Variants in WDR72 observed in about 807,000 individuals in gnomAD.
WDR72 encodes the protein WD repeat domain 72.
Under a neutral mutation model 124.2 loss-of-function variants are expected in WDR72, and 120 were observed. The ratio of observed to expected loss-of-function variants is 0.97; its 90% confidence interval spans 0.83 to 1.12. WDR72 has a LOEUF of 1.12. Ranked by LOEUF, WDR72 falls within the 50% of genes most tolerant of loss-of-function variation. The pLI, the probability that WDR72 is intolerant of heterozygous loss-of-function variation, is 0.00. For synonymous variants in WDR72, 452 were observed against 441.7 expected (o/e 1.02, Z -0.29); for missense variants, 1,387 against 1,278.8 (o/e 1.08, Z -1.29).
chr15:53,739,879 C>A (rs1595884110), intron 1 of WDR72, among the ~76,000 whole-genome samples: 1 of 152,284 alleles, frequency 6.6e-6, no homozygotes, highest in East Asian at 1.9e-4. Context: ...CACTTTGGCT[C>A]TTGTCCAAGG....
chr15:53,543,769 AGAG>A (rs1343170595), intron 18 of WDR72, among the ~76,000 whole-genome samples: 1 of 152,192 alleles, frequency 6.6e-6, no homozygotes, highest in Non-Finnish European at 1.5e-5. Context: ...AGAAAAAAAG[AGAG>A]AAGAATCTAA....
chr15:53,714,622 T>A (rs2017652563), intron 5 of WDR72, 112 bp from the exon 6 acceptor site: 1 of 811,784 alleles, frequency 1.2e-6, no homozygotes, highest in African/African-American at 1.7e-5. Flanking sequence ...TAGAAAATTT[T>A]CAGCTTTGGA....
At chr15:53,753,862 G>C (rs2018833398) in intron 1 of WDR72, among the ~76,000 whole-genome samples, 1 of 152,096 alleles carries the variant, frequency 6.6e-6, no homozygotes, top group Admixed American at 6.5e-5. Context: ...TACCATTACT[G>C]TTATTAGGAA....
intron 9 of WDR72, among the ~76,000 whole-genome samples, chr15:53,708,832 T>C (rs552897382): frequency 6.6e-6 from 1 of 152,248 alleles, no homozygotes; most frequent in Admixed American, 6.5e-5. Flanking sequence ...ACCAGTTCCT[T>C]GTCTCAATAG....
At chr15:53,580,158 G>T (rs1245458246) in intron 18 of WDR72, among the ~76,000 whole-genome samples, 1 of 152,020 alleles carries the variant, frequency 6.6e-6, no homozygotes, top group East Asian at 1.9e-4. Flanking sequence ...AATTAATAGA[G>T]ATAATAAATA....
intron 18 of WDR72, among the ~76,000 whole-genome samples, chr15:53,594,984 G>T (rs1162930315): frequency 1.3e-5 from 2 of 151,992 alleles, no homozygotes; most frequent in Non-Finnish European, 2.9e-5. Context: ...TATTTTATGT[G>T]TCTCCCATTT....
Position 53,730,433 on chromosome 15 carries a change from T to C in WDR72, c.153+2564A>G, listed in dbSNP as rs1044888168. 8.5e-5 allele frequency among the ~76,000 whole-genome samples: 13 copies of C among 152,326 alleles called. No homozygotes were observed. The East Asian group carries it at 1.9e-3, about 23-fold the overall frequency. The stretch of plus-strand genomic sequence containing the variant: ...ATTTGTGCCTAGAACAAAAAGTACC[T>C]GTGTAGTTTGCCTAATGAAAGCGTA... On this transcript the variant is annotated intron_variant, in intron 2 of 19. Coordinates refer to ENST00000360509, the MANE Select transcript of WDR72 (RefSeq NM_182758.4).
intron 18 of WDR72, among the ~76,000 whole-genome samples, chr15:53,586,496 C>A (rs947136222): frequency 1.3e-4 from 20 of 152,054 alleles, no homozygotes; most frequent in Non-Finnish European, 2.4e-4. Context: ...TTTCAATTTA[C>A]AGATTGGGTA....
chr15:53,530,195 A>AGT (rs1892372555), intron 18 of WDR72, among the ~76,000 whole-genome samples: 2 of 151,338 alleles, frequency 1.3e-5, no homozygotes, highest in African/African-American at 4.8e-5. Context: ...CAAAATAAGA[A>AGT]ACATTACTTC....
chr15:53,671,349 A>G (rs2015980972), intron 13 of WDR72, among the ~76,000 whole-genome samples: 1 of 152,180 alleles, frequency 6.6e-6, no homozygotes, highest in South Asian at 2.1e-4. Context: ...AAGCCTTCTA[A>G]AATAGATTCC....
At position 53,706,092 on chromosome 15, in the gene WDR72, T is replaced by C; in HGVS notation, c.955-18A>G. On this transcript the variant is annotated intron_variant, in intron 9 of 19. Transcript: ENST00000360509. Reference sequence around the variant, plus strand: ...CTCTGTTCCTAAACAAAAAGTGAGCTTTTATGTAGGAAATATTCTAACTAG... The same window carrying C: ...CTCTGTTCCTAAACAAAAAGTGAGCCTTTATGTAGGAAATATTCTAACTAG... 1 of 1,613,512 alleles carries C rather than the reference T, an allele frequency of 6.2e-7. No homozygotes were observed. Among genetic ancestry groups the C allele is most frequent in the Admixed American group, 1.7e-5 (1 of 60,002 alleles).
At chr15:53,627,431 T>C (rs75042610) in intron 14 of WDR72, among the ~76,000 whole-genome samples, 2,040 of 152,284 alleles carry the variant, frequency 0.013, 38 homozygotes, top group East Asian at 0.077. Flanking sequence ...TATCTGATGA[T>C]GCAATTCAAT....
At chr15:53,579,449 T>A (rs533503622) in intron 18 of WDR72, among the ~76,000 whole-genome samples, 26 of 152,226 alleles carry the variant, frequency 1.7e-4, no homozygotes, top group African/African-American at 6.3e-4. Flanking sequence ...TGCAAACTGC[T>A]TTCCCTATCT....
intron 14 of WDR72, among the ~76,000 whole-genome samples, chr15:53,637,736 G>A (rs1044509904): frequency 1.3e-5 from 2 of 151,940 alleles, no homozygotes; most frequent in African/African-American, 2.4e-5. Context: ...CTCCTTTAAT[G>A]CTTCATTCTT....
chr15:53,633,392 C>A (rs1391076558), intron 14 of WDR72, among the ~76,000 whole-genome samples: 2 of 152,190 alleles, frequency 1.3e-5, no homozygotes, highest in African/African-American at 4.8e-5. Context: ...ACTATGCTTC[C>A]TGTACAGCCT....
At chr15:53,666,224 C>T (rs1049837575) in intron 13 of WDR72, among the ~76,000 whole-genome samples, 6 of 152,112 alleles carry the variant, frequency 3.9e-5, no homozygotes, top group African/African-American at 7.2e-5. Flanking sequence ...AGTAAGAACA[C>T]GGATGCTTTG....
intron 14 of WDR72, among the ~76,000 whole-genome samples, chr15:53,639,805 T>C (rs1467401360): frequency 6.6e-6 from 1 of 152,000 alleles, no homozygotes; most frequent in Non-Finnish European, 1.5e-5. Context: ...AGAGACCACC[T>C]TCCCTAAACC....
intron 18 of WDR72, among the ~76,000 whole-genome samples, chr15:53,532,576 T>C (rs931356415): frequency 4.0e-5 from 6 of 151,392 alleles, no homozygotes; most frequent in Non-Finnish European, 7.4e-5. Context: ...CACTAATATA[T>C]GACAGCTAAG....
intron 18 of WDR72, among the ~76,000 whole-genome samples, chr15:53,557,206 AG>A (rs1276690874): frequency 1.3e-5 from 2 of 152,124 alleles, no homozygotes. Flanking sequence ...GAACAATTAC[AG>A]TGTCATTATA....
Sources: gnomAD v4.1 joint callset for allele counts (sites outside exome capture counted in the v4.1 genomes callset) on GRCh38, gnomAD v4.1.1 for gene constraint, MANE v1.5 for transcripts, NCBI Gene and HGNC (gene_info 2026-07-23, HGNC 2026-07-21) for gene names.